ARHGEF10L: variants seen among roughly 807,000 people sequenced by gnomAD.
ARHGEF10L encodes rho guanine nucleotide exchange factor 10-like protein.
ARHGEF10L carries 69 observed loss-of-function variants against 141.2 expected under a neutral mutation model. The ratio of observed to expected loss-of-function variants is 0.49; its 90% CI spans 0.40 to 0.60. ARHGEF10L has a LOEUF of 0.60. Among genes scored for constraint, ARHGEF10L ranks in the 20% least tolerant of loss-of-function variants. The pLI, the probability that ARHGEF10L is intolerant of heterozygous loss-of-function variation, is 0.00. For missense variants in ARHGEF10L, 1,482 were observed against 1,734.3 expected (o/e 0.85, Z 2.58); for synonymous variants, 711 against 718.5 (o/e 0.99, Z 0.17).
At chr1:17,666,935 G>A (rs988117308) in intron 26 of ARHGEF10L, among the ~76,000 whole-genome samples, 1 of 151,804 alleles carries the variant, frequency 6.6e-6, no homozygotes, top group Non-Finnish European at 1.5e-5. Context: ...TGAGCGAGGA[G>A]CACTAGCTTT....
intron 25 of ARHGEF10L, among the ~76,000 whole-genome samples, chr1:17,658,615 A>C (rs1004757206): frequency 1.4e-4 from 22 of 152,178 alleles, no homozygotes; most frequent in African/African-American, 5.3e-4. Flanking sequence ...ACATGTGTGT[A>C]CCAAACGCTT....
intron 1 of ARHGEF10L, among the ~76,000 whole-genome samples, chr1:17,554,266 A>T (rs2077219812): frequency 6.6e-6 from 1 of 152,230 alleles, no homozygotes; most frequent in Non-Finnish European, 1.5e-5. Context: ...AACAGTGCTT[A>T]GCCCACCATT....
At chr1:17,642,123 C>T (rs561335992) in intron 21 of ARHGEF10L, among the ~76,000 whole-genome samples, 1 of 152,262 alleles carries the variant, frequency 6.6e-6, no homozygotes, top group South Asian at 2.1e-4. Context: ...TCTCTGCTCT[C>T]AAGGAACTTA....
At chr1:17,664,701 A>G (rs11203432) in intron 26 of ARHGEF10L, 106 bp downstream of exon 26, 240,060 of 1,352,748 alleles carry the variant, frequency 0.18, 22,462 homozygotes, top group African/African-American at 0.31. Context: ...TGGCATTCCA[A>G]GGATCGATTG....
At chr1:17,586,063 C>T (rs1157647241) in intron 2 of ARHGEF10L, among the ~76,000 whole-genome samples, 3 of 152,170 alleles carry the variant, frequency 2.0e-5, no homozygotes, top group Non-Finnish European at 4.4e-5. Context: ...GTCCCCTGGG[C>T]CTGTAGGGTG....
rs2061254113 is a variant in ARHGEF10L at position 17,640,249 on chromosome 1, C to T, written c.2219C>T (p.Pro740Leu). 1.9e-6 allele frequency: 3 copies of T among 1,613,398 alleles called. No homozygotes were observed. The highest frequency in any genetic ancestry group is 2.5e-6 in the Non-Finnish European group (3 of 1,179,810). ...SFMVVFITPN[P>L]LSKISWVNRL... ...ATGGTGGTTTTCATCACCCCCAACC[C>T]CCTGAGCAAGATTTCCTGGGTCAAC... Residue 740 changes from proline (P) to leucine (L), a missense_variant, in exon 21 of 29, where the codon CCC (proline) becomes CTC (leucine). Pro to Leu is a moderately conservative substitution (Grantham distance 98). This residue lies in a region of ARHGEF10L where 858 missense variants were observed against 966.3 expected (regional missense o/e 0.89). Transcript: ENST00000361221.
Position 17,637,929 on chromosome 1 carries a change from C to T in ARHGEF10L, c.1969C>T (p.Gln657Ter). 5 of 1,601,314 alleles carry T rather than the reference C, an allele frequency of 3.1e-6. No individual in the cohort carries two copies. Among genetic ancestry groups the T allele is most frequent in the East Asian group, 2.3e-5 (1 of 44,414 alleles). ...CCCCCCACGCCTCTTCCAGGAGCTG[C>T]AGGACCTGCAGAAGGACCTGGCCGT... ...LGPPRLFQELQDLQKDLAVVE... is the reference protein window; with the variant it reads ...LGPPRLFQEL The change falls in exon 19 of 29, where the codon CAG becomes TAG. Residue 657 changes from glutamine (Q) to a stop codon, truncating the protein, a stop_gained. Transcript: ENST00000361221. LOFTEE classifies it high-confidence loss of function.
At chr1:17,645,229 G>C (rs752314836) in intron 21 of ARHGEF10L, among the ~76,000 whole-genome samples, 2 of 152,140 alleles carry the variant, frequency 1.3e-5, no homozygotes, top group African/African-American at 2.4e-5. Context: ...AATTTTCAGC[G>C]ACAGCAGTCT....
intron 2 of ARHGEF10L, among the ~76,000 whole-genome samples, chr1:17,587,109 T>C (rs568779192): frequency 6.6e-6 from 1 of 152,098 alleles, no homozygotes; most frequent in Non-Finnish European, 1.5e-5. Context: ...TACAATAAGC[T>C]TGTGCTCACG....
rs190405578 is a variant in ARHGEF10L, at chr1:17,570,177, A to T, written c.-43-10376A>T. On this transcript the variant is annotated intron_variant, in intron 1 of 28. Transcript: ENST00000361221. ...TGTGTCAGGCCTGTGCCATGGGTGCAGATAAGAGCGGTGAACAGTGGTCAC... is the reference window on the plus strand; with the variant it reads ...TGTGTCAGGCCTGTGCCATGGGTGCTGATAAGAGCGGTGAACAGTGGTCAC... 3.3e-5 allele frequency among the ~76,000 whole-genome samples: 5 copies of T among 152,360 alleles called. No homozygotes were observed. In the East Asian group the frequency reaches 9.6e-4, roughly 29 times the overall value.
At chr1:17,572,805 A>G (rs1344876660) in intron 1 of ARHGEF10L, among the ~76,000 whole-genome samples, 3 of 152,100 alleles carry the variant, frequency 2.0e-5, no homozygotes, top group Non-Finnish European at 4.4e-5. Context: ...TACTTTGTGA[A>G]AGGTGGAGGA....
chr1:17,610,441 TA>T (rs1361266106), intron 7 of ARHGEF10L, among the ~76,000 whole-genome samples: 1 of 152,222 alleles, frequency 6.6e-6, no homozygotes, highest in African/African-American at 2.4e-5. Flanking sequence ...TTGGGATTTC[TA>T]ACCACTTGGA....
intron 14 of ARHGEF10L, among the ~76,000 whole-genome samples, chr1:17,626,741 C>T (rs1276717562): frequency 6.6e-6 from 1 of 152,206 alleles, no homozygotes; most frequent in Non-Finnish European, 1.5e-5. Context: ...TGAACCGAAA[C>T]TCTGCCCATT....
intron 4 of ARHGEF10L, among the ~76,000 whole-genome samples, chr1:17,600,333 C>A (rs1038137452): frequency 2.6e-5 from 4 of 152,228 alleles, no homozygotes; most frequent in Non-Finnish European, 4.4e-5. Context: ...GATTCTTTGG[C>A]AACGGTGCTG....
intron 4 of ARHGEF10L, among the ~76,000 whole-genome samples, chr1:17,591,837 T>C (rs2079571986): frequency 6.6e-6 from 1 of 152,216 alleles, no homozygotes; most frequent in Non-Finnish European, 1.5e-5. Context: ...CATGAACCAC[T>C]GCATCTGGCC....
chr1:17,624,312 G>A, intron 12 of ARHGEF10L, 75 bp from the exon 13 acceptor site: 1 of 1,219,524 alleles, frequency 8.2e-7, no homozygotes, highest in African/African-American at 1.5e-5. Flanking sequence ...CGGCCTCCCT[G>A]GCCCACACCT....
intron 14 of ARHGEF10L, among the ~76,000 whole-genome samples, chr1:17,626,905 T>C (rs1322365372): frequency 6.6e-6 from 1 of 152,274 alleles, no homozygotes; most frequent in Non-Finnish European, 1.5e-5. Context: ...ACATGAGGTC[T>C]TCAAGATTCA....
At chr1:17,624,849 G>T (rs574346001) in intron 13 of ARHGEF10L, among the ~76,000 whole-genome samples, 1 of 152,160 alleles carries the variant, frequency 6.6e-6, no homozygotes, top group Non-Finnish European at 1.5e-5. Context: ...TTGCTAAGCT[G>T]GTTCCTTTTC....
chr1:17,661,551 G>T (rs1383896499), intron 25 of ARHGEF10L, among the ~76,000 whole-genome samples: 3 of 152,198 alleles, frequency 2.0e-5, no homozygotes, highest in Non-Finnish European at 4.4e-5. Flanking sequence ...GGCTTCCACA[G>T]CGAGGCTCTG....
Sources: allele counts gnomAD v4.1 joint callset (sites outside exome capture counted in the v4.1 genomes callset), GRCh38; gene constraint gnomAD v4.1.1; regional missense constraint gnomAD v4.1.1; transcripts MANE v1.5; gene names NCBI Gene and HGNC (gene_info 2026-07-23, HGNC 2026-07-21).